The following TLN2 variants were observed in gnomAD, a reference collection of about 807,000 sequenced individuals.
TLN2 encodes talin-2.
Under a neutral mutation model 294.7 loss-of-function variants are expected in TLN2, and 118 were observed. That is an observed-to-expected ratio of 0.40 (90% CI 0.34 to 0.47). The LOEUF is 0.47. TLN2 is among the 20% of genes least tolerant of loss of function. TLN2 has a pLI of 0.84. For missense variants in TLN2, 3,083 were observed against 3,282.2 expected (o/e 0.94, Z 1.48); for synonymous variants, 1,431 against 1,304.5 (o/e 1.10, Z -2.09).
At chr15:62,411,714 C>T (rs1052352499) in intron 1 of TLN2, among the ~76,000 whole-genome samples, 1 of 152,048 alleles carries the variant, frequency 6.6e-6, no homozygotes, top group South Asian at 2.1e-4. Flanking sequence ...CTGGGGCTGC[C>T]AGGACTTAGG....
chr15:62,676,011 C>G (rs558969968), intron 11 of TLN2, among the ~76,000 whole-genome samples: 4 of 152,204 alleles, frequency 2.6e-5, no homozygotes, highest in Non-Finnish European at 4.4e-5. Context: ...TTTGGCCTCT[C>G]GCCTGGGGCC....
intron 16 of TLN2, 21 bp from the exon 17 acceptor site, chr15:62,701,085 T>C (rs2058692873): frequency 6.2e-7 from 1 of 1,605,204 alleles, no homozygotes; most frequent in Non-Finnish European, 8.5e-7. Flanking sequence ...GATTGTGTTG[T>C]GCCGTTGTCT....
chr15:62,833,834 C>A, intron 55 of TLN2: 1 of 588,096 alleles, frequency 1.7e-6, no homozygotes, highest in Non-Finnish European at 2.7e-6. Context: ...GGCCTCTCAT[C>A]TGCTTCTTGT....
intron 45 of TLN2, 64 bp from the exon 46 acceptor site, chr15:62,792,577 G>A: frequency 1.3e-6 from 2 of 1,579,430 alleles, no homozygotes; most frequent in Non-Finnish European, 1.7e-6. Flanking sequence ...TTTCCACGTA[G>A]GGAAGGCCTC....
At chr15:62,835,523 TTGG>T in intron 55 of TLN2, 2 of 596,804 alleles carry the variant, frequency 3.4e-6, no homozygotes, top group South Asian at 2.0e-5. Context: ...CTGTCGCCTC[TTGG>T]TGGCGAAACC....
At chr15:62,513,046 C>T (rs2140455798) in intron 1 of TLN2, among the ~76,000 whole-genome samples, 1 of 152,322 alleles carries the variant, frequency 6.6e-6, no homozygotes, top group East Asian at 1.9e-4. Flanking sequence ...CCTCTAATCT[C>T]TCAATATCCC....
At chr15:62,704,272 A>G (rs1006309782) in intron 19 of TLN2, among the ~76,000 whole-genome samples, 9 of 152,152 alleles carry the variant, frequency 5.9e-5, no homozygotes, top group African/African-American at 2.2e-4. Flanking sequence ...TAACTACCTG[A>G]CACTTCTAAA....
At chr15:62,476,891 A>C (rs568506090) in intron 1 of TLN2, among the ~76,000 whole-genome samples, 1 of 152,062 alleles carries the variant, frequency 6.6e-6, no homozygotes, top group East Asian at 1.9e-4. Context: ...TTATCTGACT[A>C]CCTTGTTTCA....
intron 32 of TLN2, among the ~76,000 whole-genome samples, chr15:62,741,748 C>CGCGCGCGTGT: frequency 6.9e-5 from 9 of 131,070 alleles, no homozygotes; most frequent in Non-Finnish European, 8.0e-5. Context: ...AAAATTTGCG[C>CGCGCGCGTGT]GTGTGTGTGT....
intron 1 of TLN2, among the ~76,000 whole-genome samples, chr15:62,485,980 G>A (rs1415038672): frequency 6.6e-6 from 1 of 151,552 alleles, no homozygotes; most frequent in African/African-American, 2.4e-5. Flanking sequence ...TGTTTTAAAA[G>A]ACTTTAAAAT....
At chr15:62,630,235 T>G (rs2049662653) in intron 3 of TLN2, among the ~76,000 whole-genome samples, 1 of 152,162 alleles carries the variant, frequency 6.6e-6, no homozygotes, top group Non-Finnish European at 1.5e-5. Flanking sequence ...AAAGCCAGAT[T>G]TTAGGTATCA....
At chr15:62,447,740 G>A (rs1057310627) in intron 1 of TLN2, among the ~76,000 whole-genome samples, 1 of 151,972 alleles carries the variant, frequency 6.6e-6, no homozygotes, top group Admixed American at 6.6e-5. Context: ...TGATCTGCCC[G>A]CCTTGGCCTC....
At position 62,680,142 on chromosome 15, in the gene TLN2, T is replaced by C. The variant is rs947413582; in HGVS notation, c.957+4821T>C. On this transcript the variant is annotated intron_variant, in intron 11 of 58. Coordinates refer to ENST00000636159, the MANE Select transcript of TLN2 (RefSeq NM_015059.3). ...TTTTTCTTCTTTTTCAAAATCATTTTAGCCATTTTAGGTTTTTTCCTTTTC... is the reference window on the plus strand; with the variant it reads ...TTTTTCTTCTTTTTCAAAATCATTTCAGCCATTTTAGGTTTTTTCCTTTTC... 3.3e-5 allele frequency among the ~76,000 whole-genome samples: 5 copies of C among 152,358 alleles called. No homozygotes were observed. In the Middle Eastern group the frequency reaches 0.01, roughly 311 times the overall value.
At chr15:62,475,030 G>A (rs1253936809) in intron 1 of TLN2, among the ~76,000 whole-genome samples, 1 of 152,066 alleles carries the variant, frequency 6.6e-6, no homozygotes, top group Non-Finnish European at 1.5e-5. Context: ...AATAATAATG[G>A]ACCTTTGGGG....
At chr15:62,602,144 G>C (rs1596310432) in intron 2 of TLN2, among the ~76,000 whole-genome samples, 1 of 152,292 alleles carries the variant, frequency 6.6e-6, no homozygotes, top group East Asian at 1.9e-4. Flanking sequence ...ACAGTGGACA[G>C]AACTAGGATG....
intron 1 of TLN2, among the ~76,000 whole-genome samples, chr15:62,494,272 A>G (rs1160805551): frequency 6.6e-6 from 1 of 151,274 alleles, no homozygotes; most frequent in Non-Finnish European, 1.5e-5. Context: ...GACAAAATTT[A>G]ATTACCGTCT....
Position 62,843,806 on chromosome 15 carries a change from G to A in TLN2, c.*3196G>A, listed in dbSNP as rs1357003918. On this transcript the variant is annotated 3_prime_UTR_variant, in exon 59 of 59. Transcript: ENST00000636159. ...GAACCAGACACAGGTCAAAAGTGGT[G>A]AGCAAGCCATGGTCTCTGCTCCTGG... The A allele has an allele frequency of 6.6e-6, 1 of 152,208 alleles. No individual in the cohort carries two copies. Among genetic ancestry groups the A allele is most frequent in the East Asian group, 1.9e-4 (1 of 5,190 alleles). 9.4% of individuals were successfully genotyped at this position (152,208 alleles called of 1,614,324 possible).
Position 62,692,846 on chromosome 15 carries a change from G to A in TLN2, c.1120G>A (p.Gly374Arg), listed in dbSNP as rs1408590695. 2 of 1,612,148 alleles carry A rather than the reference G, an allele frequency of 1.2e-6. No homozygotes were observed. Among genetic ancestry groups the A allele is most frequent in the African/African-American group, 1.3e-5 (1 of 74,780 alleles). ...TCCATTGCTGTCTTTTCAGGATTTT[G>A]GGGAGTATCAGGAAAGCTACTATTC... ...ASPKSFTLDF[G>R]EYQESYYSVQ... The change falls in exon 13 of 59, where the codon GGG becomes AGG. Residue 374 changes from glycine (G) to arginine (R), a missense_variant. Physicochemically the swap from Gly to Arg is moderately radical, Grantham distance 125. Transcript: ENST00000636159.
intron 1 of TLN2, among the ~76,000 whole-genome samples, chr15:62,516,075 C>T (rs1355351005): frequency 6.6e-6 from 1 of 152,204 alleles, no homozygotes; most frequent in South Asian, 2.1e-4. Flanking sequence ...CTTTGTGGAT[C>T]ATCCAATGCA....
Sources: allele counts gnomAD v4.1 joint callset (sites outside exome capture counted in the v4.1 genomes callset), GRCh38; gene constraint gnomAD v4.1.1; transcripts MANE v1.5; gene names NCBI Gene and HGNC (gene_info 2026-07-23, HGNC 2026-07-21).